Variants in TXNL4A observed in about 807,000 individuals in gnomAD.
TXNL4A encodes thioredoxin-like protein 4A.
In TXNL4A, 17 loss-of-function variants were observed where a neutral mutation model predicts 14.6. The ratio of observed to expected loss-of-function variants is 1.16; its 90% CI spans 0.80 to 1.74. The LOEUF (loss-of-function observed/expected upper bound fraction) is 1.74, where lower values mean the gene tolerates loss of function less well. Among genes scored for constraint, TXNL4A ranks in the 40% most tolerant of loss-of-function variants. TXNL4A has a pLI of 0.00. For missense variants in TXNL4A, 74 were observed against 195.2 expected (o/e 0.38, Z 3.70); for synonymous variants, 83 against 70.6 (o/e 1.18, Z -0.88).
chr18:79,974,617 C>G (rs2051350775), intron 2 of TXNL4A, among the ~76,000 whole-genome samples: 1 of 151,944 alleles, frequency 6.6e-6, no homozygotes, highest in Non-Finnish European at 1.5e-5. Context: ...TAACTGGGAC[C>G]ACAGGCACGA....
chr18:79,996,119 A>AC (rs1006788555), intron 1 of TXNL4A, among the ~76,000 whole-genome samples: 4 of 150,676 alleles, frequency 2.7e-5, no homozygotes, highest in Admixed American at 1.3e-4. Flanking sequence ...AAAAAAAAAA[A>AC]AAAAAAAACG....
At chr18:80,025,383 A>T (rs548171054) in intron 1 of TXNL4A, among the ~76,000 whole-genome samples, 144 of 152,348 alleles carry the variant, frequency 9.5e-4, no homozygotes, top group African/African-American at 3.4e-3. Flanking sequence ...GAACTTCCCC[A>T]GACCAGATCT....
At chr18:79,986,815 C>T in intron 1 of TXNL4A, 1 of 974,368 alleles carries the variant, frequency 1.0e-6, no homozygotes, top group Non-Finnish European at 1.2e-6. Flanking sequence ...CAGTGATTTA[C>T]TTATTGGGAA....
At chr18:80,033,454 G>T (rs1040604614) in intron 1 of TXNL4A, among the ~76,000 whole-genome samples, 7 of 152,218 alleles carry the variant, frequency 4.6e-5, no homozygotes, top group African/African-American at 7.2e-5. Context: ...GGAGGCGGGC[G>T]GGGCGAGACC....
rs149555091 is a variant in TXNL4A, at chr18:79,980,263, C to T, written c.154-2562G>A. Among the ~76,000 whole-genome samples the T allele has an allele frequency of 5.9e-5, 9 of 152,350 alleles. No individual in the cohort carries two copies. The Middle Eastern group carries it at 0.014, about 230-fold the overall frequency. ...GCCTGGAAAACACCTCGATTCTGGA[C>T]TTCTGGTATCCAGAATTGTGAGAGA... On this transcript the variant is annotated intron_variant, in intron 1 of 2. Coordinates refer to ENST00000269601, the MANE Select transcript of TXNL4A (RefSeq NM_006701.5).
chr18:80,003,677 T>C (rs1257695720), intron 1 of TXNL4A, among the ~76,000 whole-genome samples: 1 of 152,208 alleles, frequency 6.6e-6, no homozygotes, highest in Admixed American at 6.5e-5. Context: ...TTGGAGATGG[T>C]GTATTTGTTC....
intron 1 of TXNL4A, among the ~76,000 whole-genome samples, chr18:80,017,021 ATCC>A (rs1447949957): frequency 2.0e-5 from 3 of 150,444 alleles, no homozygotes; most frequent in African/African-American, 7.3e-5. Context: ...ATTTGTTTGT[ATCC>A]TCTTTTATTT....
chr18:79,973,637 C>T lies in TXNL4A; in HGVS notation c.*48G>A, dbSNP rs1486857637. The T allele has an allele frequency of 1.9e-6, 3 of 1,561,292 alleles. No individual in the cohort carries two copies. Among genetic ancestry groups the T allele is most frequent in the Non-Finnish European group, 2.6e-6 (3 of 1,156,862 alleles). Reference sequence around the variant, plus strand: ...GGCTTTAAATAGCTTAAAACGTTTCCATACAAAAAGGGCTCCACGACATTT... The same window carrying T: ...GGCTTTAAATAGCTTAAAACGTTTCTATACAAAAAGGGCTCCACGACATTT... On this transcript the variant is annotated 3_prime_UTR_variant, in exon 3 of 3. Transcript: ENST00000269601.
At chr18:79,980,852 G>A (rs552007636) in intron 1 of TXNL4A, among the ~76,000 whole-genome samples, 168 of 151,980 alleles carry the variant, frequency 1.1e-3, no homozygotes, top group African/African-American at 3.9e-3. Flanking sequence ...GCGACTCCCC[G>A]TCCATGTGCT....
intron 1 of TXNL4A, among the ~76,000 whole-genome samples, chr18:80,017,479 G>A (rs1249657066): frequency 1.3e-5 from 2 of 151,866 alleles, no homozygotes; most frequent in African/African-American, 2.4e-5. Flanking sequence ...TGCCCATTCA[G>A]TATGATATTG....
At chr18:79,981,129 A>C (rs554461188) in intron 1 of TXNL4A, among the ~76,000 whole-genome samples, 2 of 152,356 alleles carry the variant, frequency 1.3e-5, no homozygotes, top group South Asian at 4.1e-4. Context: ...TCAAAATAAT[A>C]TTTCATTATT....
intron 1 of TXNL4A, among the ~76,000 whole-genome samples, chr18:79,995,601 C>G (rs1035831322): frequency 2.0e-5 from 3 of 152,172 alleles, no homozygotes; most frequent in Non-Finnish European, 4.4e-5. Flanking sequence ...TTAGAAAATG[C>G]CACATGATAA....
At chr18:79,995,977 G>C (rs748500517) in intron 1 of TXNL4A, among the ~76,000 whole-genome samples, 10 of 151,922 alleles carry the variant, frequency 6.6e-5, no homozygotes, top group African/African-American at 2.4e-5. Context: ...GGTGGCGGGC[G>C]CCTGTAGTCC....
At chr18:80,012,970 T>G (rs771191075) in intron 1 of TXNL4A, among the ~76,000 whole-genome samples, 34 of 152,014 alleles carry the variant, frequency 2.2e-4, no homozygotes, top group Non-Finnish European at 4.3e-4. Context: ...GCTAAAGCAT[T>G]CGTCGACGAC....
intron 1 of TXNL4A, among the ~76,000 whole-genome samples, chr18:80,010,410 A>C (rs2051762080): frequency 1.3e-5 from 2 of 152,288 alleles, no homozygotes; most frequent in South Asian, 4.1e-4. Flanking sequence ...TGAAGCGATG[A>C]TTCACAGAGG....
At chr18:79,992,816 G>A (rs1459719870), upstream of TXNL4A, among the ~76,000 whole-genome samples, 3 of 119,340 alleles carry the variant, frequency 2.5e-5, no homozygotes, top group Non-Finnish European at 4.9e-5. Flanking sequence ...GTTATGTTTT[G>A]TCTATGTTAC....
At chr18:79,988,648 G>A (rs2051597622), upstream of TXNL4A, 2 of 325,192 alleles carry the variant, frequency 6.2e-6, no homozygotes, top group Admixed American at 5.0e-5. Flanking sequence ...GCGTATAGGC[G>A]CCGCGCGAAC....
chr18:79,974,958 T>G (rs1486767349), intron 2 of TXNL4A, among the ~76,000 whole-genome samples: 1 of 152,104 alleles, frequency 6.6e-6, no homozygotes, highest in African/African-American at 2.4e-5. Flanking sequence ...CCGTAGAAAG[T>G]ATTCCCCGTG....
intron 1 of TXNL4A, among the ~76,000 whole-genome samples, chr18:79,981,487 C>T (rs1434223435): frequency 6.6e-6 from 1 of 151,900 alleles, no homozygotes; most frequent in Non-Finnish European, 1.5e-5. Context: ...ACCTGGCCAA[C>T]GTGGTGCAAC....
Sources: gnomAD v4.1 joint callset for allele counts (sites outside exome capture counted in the v4.1 genomes callset) on GRCh38, gnomAD v4.1.1 for gene constraint, MANE v1.5 for transcripts, NCBI Gene and HGNC (gene_info 2026-07-23, HGNC 2026-07-21) for gene names.